The following MICU1 variants were observed in gnomAD, a reference collection of about 807,000 sequenced individuals.
The protein encoded by MICU1 is calcium uptake protein 1, mitochondrial.
Under a neutral mutation model 56.8 loss-of-function variants are expected in MICU1, and 45 were observed. The observed-to-expected ratio is 0.79, with a 90% CI of 0.62 to 1.02. The LOEUF is 1.02. MICU1 is among the 50% of genes least tolerant of loss of function. The pLI, the probability that MICU1 is intolerant of heterozygous loss-of-function variation, is 0.00. For synonymous variants in MICU1, 186 were observed against 195.1 expected, an observed-to-expected ratio of 0.95 and a Z score of 0.39; for missense variants, 504 against 587.1, an observed-to-expected ratio of 0.86 and a Z score of 1.46.
chr10:72,593,522 C>CA lies in MICU1; in HGVS notation c.-1-26729dup, dbSNP rs56135700. Among the ~76,000 whole-genome samples, 1,273 of 131,538 alleles carry CA rather than the reference C, an allele frequency of 9.7e-3. 17 individuals are homozygous for CA. The highest frequency in any genetic ancestry group is 0.03 in the African/African-American group (1,082 of 36,004). 86.3% of individuals were successfully genotyped at this position (131,538 alleles called of 152,430 possible). Reference sequence around the variant, plus strand: ...CTGGGCGACAGTCGGACTCTGTCTCCAAAAAAAAAAAAAACCAAAAAGCAT... The same window carrying CA: ...CTGGGCGACAGTCGGACTCTGTCTCCAAAAAAAAAAAAAAACCAAAAAGCAT... On this transcript the variant is annotated intron_variant, in intron 1 of 11. Transcript: ENST00000361114.
chr10:72,380,025 G>A (rs920489916), intron 10 of MICU1, among the ~76,000 whole-genome samples: 6 of 152,162 alleles, frequency 3.9e-5, no homozygotes, highest in African/African-American at 9.7e-5. Context: ...CAAGCCAAGT[G>A]CTTGACAGCT....
At chr10:72,561,500 T>TC (rs1840294316) in intron 3 of MICU1, among the ~76,000 whole-genome samples, 1 of 152,220 alleles carries the variant, frequency 6.6e-6, no homozygotes, top group Non-Finnish European at 1.5e-5. Context: ...GATTTGGGTA[T>TC]AGAGAAAACA....
chr10:72,491,043 C>T (rs1866638394), intron 6 of MICU1, among the ~76,000 whole-genome samples: 1 of 152,078 alleles, frequency 6.6e-6, no homozygotes, highest in Admixed American at 6.6e-5. Flanking sequence ...CGGGACAGTC[C>T]CATAAAAGGC....
intron 8 of MICU1, among the ~76,000 whole-genome samples, chr10:72,429,023 C>A (rs1864439028): frequency 6.6e-6 from 1 of 151,986 alleles, no homozygotes. Context: ...AATCTTCTTA[C>A]CAAAAAATAG....
intron 10 of MICU1, among the ~76,000 whole-genome samples, chr10:72,401,841 A>G (rs1043365048): frequency 6.6e-6 from 1 of 152,136 alleles, no homozygotes; most frequent in Middle Eastern, 3.2e-3. Context: ...GAAGCTTTGC[A>G]CCCTTTGAAC....
At chr10:72,372,547 A>T (rs1862380400) in intron 11 of MICU1, among the ~76,000 whole-genome samples, 1 of 152,142 alleles carries the variant, frequency 6.6e-6, no homozygotes, top group Admixed American at 6.5e-5. Context: ...TTGTATAAAA[A>T]GAAGCTTGAG....
intron 4 of MICU1, among the ~76,000 whole-genome samples, chr10:72,547,186 C>T (rs929504379): frequency 3.3e-5 from 5 of 151,978 alleles, no homozygotes; most frequent in African/African-American, 4.8e-5. Flanking sequence ...AGCCACCACG[C>T]CCGGCCTCTG....
intron 7 of MICU1, 54 bp downstream of exon 7, chr10:72,477,120 G>T: frequency 7.3e-7 from 1 of 1,367,378 alleles, no homozygotes; most frequent in South Asian, 1.4e-5. Flanking sequence ...CAAGGCACAT[G>T]AAAATGTATT....
chr10:72,562,331 T>TA (rs1303179578), intron 3 of MICU1, among the ~76,000 whole-genome samples: 1 of 151,892 alleles, frequency 6.6e-6, no homozygotes, highest in Non-Finnish European at 1.5e-5. Flanking sequence ...TTTTTGTATT[T>TA]TTAGTAGAGA....
intron 5 of MICU1, among the ~76,000 whole-genome samples, chr10:72,520,718 G>A (rs1867792344): frequency 6.6e-6 from 1 of 152,082 alleles, no homozygotes; most frequent in South Asian, 2.1e-4. Context: ...AAATGAAGAT[G>A]TTTTTAAAAA....
At chr10:72,527,410 C>T (rs973048516) in intron 5 of MICU1, among the ~76,000 whole-genome samples, 1 of 151,578 alleles carries the variant, frequency 6.6e-6, no homozygotes, top group Admixed American at 6.6e-5. Context: ...CTCACTCTGT[C>T]GCCCAGGCTG....
intron 8 of MICU1, among the ~76,000 whole-genome samples, chr10:72,442,132 A>G (rs1468704548): frequency 6.6e-6 from 1 of 152,116 alleles, no homozygotes; most frequent in Admixed American, 6.6e-5. Flanking sequence ...TATGCAATAT[A>G]AACTGTAATC....
In MICU1 at chr10:72,368,299, T is replaced by C. The variant is rs774165363; in HGVS notation, c.1327A>G (p.Arg443Gly). The C allele has an allele frequency of 1.9e-6, 3 of 1,613,908 alleles. No homozygotes were observed. The highest frequency in any genetic ancestry group is 2.5e-6 in the Non-Finnish European group (3 of 1,179,892). ...ATGTCTTTGGGCTTTTCCAGGCCTCTCATCAGCCGTTGCTTCATGATGGAA... is the reference window on the plus strand; with the variant it reads ...ATGTCTTTGGGCTTTTCCAGGCCTCCCATCAGCCGTTGCTTCATGATGGAA... ...FVSIMKQRLM[R>G]GLEKPKDMGF... The change falls in exon 12 of 12, where the codon AGA (arginine) becomes GGA (glycine). Residue 443 changes from arginine to glycine, a missense_variant. Arg to Gly is a moderately radical substitution (Grantham distance 125). Transcript: ENST00000361114.
intron 1 of MICU1, among the ~76,000 whole-genome samples, chr10:72,589,106 G>A (rs971227446): frequency 2.0e-5 from 3 of 152,056 alleles, no homozygotes; most frequent in African/African-American, 7.2e-5. Flanking sequence ...TGGCCAACAT[G>A]GTAAAACCCC....
At chr10:72,526,508 C>T (rs1867967271) in intron 5 of MICU1, among the ~76,000 whole-genome samples, 1 of 152,026 alleles carries the variant, frequency 6.6e-6, no homozygotes, top group African/African-American at 2.4e-5. Context: ...GTTGGTCAGG[C>T]TGGTCTCGAA....
intron 6 of MICU1, among the ~76,000 whole-genome samples, chr10:72,503,323 G>T (rs1867137639): frequency 6.6e-6 from 1 of 152,154 alleles, no homozygotes; most frequent in Non-Finnish European, 1.5e-5. Flanking sequence ...TAATTAAAAA[G>T]AACATGTGCC....
chr10:72,440,721 C>T (rs1215258102), intron 8 of MICU1, among the ~76,000 whole-genome samples: 1 of 152,050 alleles, frequency 6.6e-6, no homozygotes, highest in Admixed American at 6.6e-5. Context: ...CAAACAATCC[C>T]ATCAAAAAGT....
At chr10:72,585,233 C>T (rs1229032355) in intron 1 of MICU1, among the ~76,000 whole-genome samples, 1 of 151,830 alleles carries the variant, frequency 6.6e-6, no homozygotes, top group African/African-American at 2.4e-5. Flanking sequence ...ATTACAGGTG[C>T]CCACCACCAT....
intron 8 of MICU1, among the ~76,000 whole-genome samples, chr10:72,465,807 C>A (rs1366633146): frequency 1.3e-5 from 2 of 152,138 alleles, no homozygotes; most frequent in Non-Finnish European, 2.9e-5. Context: ...AGCCACCATG[C>A]CTGGCCCTTG....
Sources: gnomAD v4.1 joint callset for allele counts (sites outside exome capture counted in the v4.1 genomes callset) on GRCh38, gnomAD v4.1.1 for gene constraint, MANE v1.5 for transcripts, NCBI Gene and HGNC (gene_info 2026-07-23, HGNC 2026-07-21) for gene names.